The following RORB variants were observed in gnomAD, a reference collection of about 807,000 sequenced individuals.
The protein encoded by RORB is RAR related orphan receptor B.
In RORB, 6 loss-of-function variants were observed where a neutral mutation model predicts 59.1. That is an observed-to-expected ratio of 0.10 (90% CI 0.06 to 0.20). The LOEUF is 0.20. RORB is among the 10% of genes least tolerant of loss of function. The pLI, the probability that RORB is intolerant of heterozygous loss-of-function variation, is 1.00. For missense variants in RORB, 320 were observed against 560.5 expected (o/e 0.57, Z 4.33); for synonymous variants, 215 against 204.5 (o/e 1.05, Z -0.44).
intron 9 of RORB, among the ~76,000 whole-genome samples, chr9:74,675,550 G>C (rs772653286): frequency 6.6e-6 from 1 of 152,120 alleles, no homozygotes; most frequent in Non-Finnish European, 1.5e-5. Flanking sequence ...CAGTGTGATT[G>C]TTTTAAGTAC....
At chr9:74,582,179 A>G (rs956851154) in intron 1 of RORB, among the ~76,000 whole-genome samples, 2 of 152,200 alleles carry the variant, frequency 1.3e-5, no homozygotes, top group African/African-American at 4.8e-5. Flanking sequence ...GGAAAATTAT[A>G]AGACTACACA....
At chr9:74,650,171 T>C (rs1258124461) in intron 4 of RORB, among the ~76,000 whole-genome samples, 2 of 152,252 alleles carry the variant, frequency 1.3e-5, no homozygotes, top group East Asian at 1.9e-4. Context: ...TTTCTACTTA[T>C]GAAGTGACCT....
chr9:74,518,476 T>G (rs1048716833), intron 1 of RORB, among the ~76,000 whole-genome samples: 5 of 152,016 alleles, frequency 3.3e-5, no homozygotes, highest in Admixed American at 2.0e-4. Context: ...AAAGACAGAC[T>G]GTCTTCTGGG....
intron 1 of RORB, among the ~76,000 whole-genome samples, chr9:74,541,579 T>G (rs1470044721): frequency 6.6e-6 from 1 of 152,178 alleles, no homozygotes; most frequent in Non-Finnish European, 1.5e-5. Context: ...AACTATGTTT[T>G]GAAGTTTTAG....
chr9:74,665,157 C>A (rs1384110210), intron 6 of RORB, among the ~76,000 whole-genome samples: 1 of 152,108 alleles, frequency 6.6e-6, no homozygotes, highest in Non-Finnish European at 1.5e-5. Flanking sequence ...TCCAGCTTAG[C>A]CACCTGTAAA....
At chr9:74,606,346 G>T (rs191530271) in intron 1 of RORB, among the ~76,000 whole-genome samples, 5 of 152,306 alleles carry the variant, frequency 3.3e-5, no homozygotes, top group African/African-American at 1.2e-4. Context: ...GAGTTAGAAA[G>T]ATGTAGTTCT....
intron 1 of RORB, among the ~76,000 whole-genome samples, chr9:74,608,080 G>A (rs1246506939): frequency 6.6e-6 from 1 of 152,144 alleles, no homozygotes; most frequent in Non-Finnish European, 1.5e-5. Flanking sequence ...GTTCCATGAA[G>A]TAAGGTTCTT....
At chr9:74,677,518 A>G (rs142337316) in intron 9 of RORB, among the ~76,000 whole-genome samples, 201 of 152,338 alleles carry the variant, frequency 1.3e-3, no homozygotes, top group East Asian at 3.3e-3. Context: ...ACTGTGTGTA[A>G]TGTGGCTGCT....
chr9:74,559,946 A>G (rs1587359352), intron 1 of RORB, among the ~76,000 whole-genome samples: 1 of 152,224 alleles, frequency 6.6e-6, no homozygotes, highest in South Asian at 2.1e-4. Context: ...TAAATGTCAT[A>G]TGACCACATT....
chr9:74,545,341 C>T (rs1391458351), intron 1 of RORB, among the ~76,000 whole-genome samples: 1 of 152,058 alleles, frequency 6.6e-6, no homozygotes, highest in African/African-American at 2.4e-5. Flanking sequence ...GATTGCGGTG[C>T]CTTTTTGTAT....
chr9:74,682,747 A>G (rs1477577015), intron 9 of RORB, among the ~76,000 whole-genome samples: 1 of 152,188 alleles, frequency 6.6e-6, no homozygotes, highest in Non-Finnish European at 1.5e-5. Flanking sequence ...AATTCAATGT[A>G]TAATTTACTT....
intron 1 of RORB, among the ~76,000 whole-genome samples, chr9:74,605,532 A>G (rs182456527): frequency 1.1e-4 from 17 of 152,214 alleles, no homozygotes; most frequent in African/African-American, 4.1e-4. Flanking sequence ...TCTGCTCCTT[A>G]GATTAAAGAG....
At chr9:74,619,448 T>G (rs1823369779) in intron 1 of RORB, among the ~76,000 whole-genome samples, 1 of 152,164 alleles carries the variant, frequency 6.6e-6, no homozygotes, top group Non-Finnish European at 1.5e-5. Context: ...AGATGTTGGC[T>G]GAGTTGTTTT....
intron 1 of RORB, among the ~76,000 whole-genome samples, chr9:74,571,235 CA>C (rs1563940583): frequency 6.6e-6 from 1 of 151,768 alleles, no homozygotes; most frequent in South Asian, 2.1e-4. Flanking sequence ...AAATTTGAAA[CA>C]AAAAATTTCA....
At chr9:74,537,035 G>T (rs1826332037) in intron 1 of RORB, among the ~76,000 whole-genome samples, 1 of 151,982 alleles carries the variant, frequency 6.6e-6, no homozygotes, top group Non-Finnish European at 1.5e-5. Context: ...GCAGTTATAA[G>T]ACCCATTTTA....
rs368535600 is a variant in RORB at position 74,541,052 on chromosome 9, G to T, written c.7+43069G>T. ...TTCCAGCACTTTAGGAGGCCAAGGC[G>T]GGTAGATCACCTGAGGTCAGGAGTT... On this transcript the variant is annotated intron_variant, in intron 1 of 9. Coordinates refer to ENST00000376896, the MANE Select transcript of RORB (RefSeq NM_006914.4). Among the ~76,000 whole-genome samples the T allele has an allele frequency of 7.9e-5, 12 of 152,032 alleles. No homozygotes were observed. In the East Asian group the frequency reaches 1.2e-3, roughly 15 times the overall value.
chr9:74,595,499 C>T (rs549552038), intron 1 of RORB, among the ~76,000 whole-genome samples: 2 of 152,298 alleles, frequency 1.3e-5, no homozygotes, highest in African/African-American at 2.4e-5. Flanking sequence ...TTTAAGAAAC[C>T]ATTACTTTCC....
At chr9:74,561,456 C>G (rs1376329107) in intron 1 of RORB, among the ~76,000 whole-genome samples, 1 of 152,112 alleles carries the variant, frequency 6.6e-6, no homozygotes, top group East Asian at 1.9e-4. Flanking sequence ...GATTTCAAAT[C>G]TTTTATTTCT....
At chr9:74,617,860 T>C (rs1251498516) in intron 1 of RORB, among the ~76,000 whole-genome samples, 1 of 152,196 alleles carries the variant, frequency 6.6e-6, no homozygotes, top group African/African-American at 2.4e-5. Flanking sequence ...AAAGACAAAC[T>C]AAACTCAAAC....
Sources: allele counts gnomAD v4.1 joint callset (sites outside exome capture counted in the v4.1 genomes callset), GRCh38; gene constraint gnomAD v4.1.1; transcripts MANE v1.5; gene names NCBI Gene and HGNC (gene_info 2026-07-23, HGNC 2026-07-21).